The following PPP6R3 variants were observed in gnomAD, a reference collection of about 807,000 sequenced individuals.
The protein encoded by PPP6R3 is serine/threonine-protein phosphatase 6 regulatory subunit 3.
Under a neutral mutation model 110.7 loss-of-function variants are expected in PPP6R3, and 38 were observed. The observed-to-expected ratio is 0.34, with a 90% CI of 0.26 to 0.45. PPP6R3 has a LOEUF of 0.45. PPP6R3 is among the 20% of genes least tolerant of loss of function. PPP6R3 has a pLI of 1.00. For synonymous variants in PPP6R3, 369 were observed against 373.5 expected, an observed-to-expected ratio of 0.99 and a Z score of 0.14; for missense variants, 870 against 1,062.4, an observed-to-expected ratio of 0.82 and a Z score of 2.52.
chr11:68,578,686 T>C (rs1347431071), intron 14 of PPP6R3, among the ~76,000 whole-genome samples: 1 of 152,272 alleles, frequency 6.6e-6, no homozygotes, highest in Non-Finnish European at 1.5e-5. Flanking sequence ...TCACTTCTTT[T>C]GGATAAGCTG....
chr11:68,524,152 A>T (rs2099182763), intron 2 of PPP6R3, among the ~76,000 whole-genome samples: 1 of 152,188 alleles, frequency 6.6e-6, no homozygotes, highest in African/African-American at 2.4e-5. Flanking sequence ...GGGCGCCTCC[A>T]ATTGAGGGGC....
chr11:68,504,633 G>C (rs1208546269), intron 1 of PPP6R3, among the ~76,000 whole-genome samples: 1 of 152,190 alleles, frequency 6.6e-6, no homozygotes, highest in Admixed American at 6.5e-5. Context: ...CATTGACAAA[G>C]TAAGCAAGCT....
chr11:68,508,022 A>G (rs2099087574), intron 1 of PPP6R3, among the ~76,000 whole-genome samples: 1 of 147,206 alleles, frequency 6.8e-6, no homozygotes, highest in African/African-American at 2.6e-5. Context: ...CCTGGGCAAC[A>G]TAGCAACACC....
intron 1 of PPP6R3, among the ~76,000 whole-genome samples, chr11:68,515,702 A>G (rs1447456813): frequency 6.6e-6 from 1 of 152,136 alleles, no homozygotes; most frequent in East Asian, 1.9e-4. Flanking sequence ...TCTCATAAGG[A>G]CACTAATCCT....
chr11:68,468,464 G>T (rs1198918847), intron 1 of PPP6R3, among the ~76,000 whole-genome samples: 4 of 152,146 alleles, frequency 2.6e-5, no homozygotes, highest in African/African-American at 4.8e-5. Context: ...TTTCACTGTG[G>T]ACTTCTTGTT....
chr11:68,481,385 G>C (rs1433994595), intron 1 of PPP6R3, among the ~76,000 whole-genome samples: 1 of 152,202 alleles, frequency 6.6e-6, no homozygotes, highest in African/African-American at 2.4e-5. Flanking sequence ...GATCCCAGAA[G>C]CATAGGGTTA....
At chr11:68,555,642 T>C (rs2099396407) in intron 7 of PPP6R3, among the ~76,000 whole-genome samples, 2 of 152,228 alleles carry the variant, frequency 1.3e-5, no homozygotes, top group African/African-American at 4.8e-5. Context: ...TTGGACCCAA[T>C]GTGTAACCTA....
At chr11:68,575,221 G>T (rs946069645) in intron 13 of PPP6R3, among the ~76,000 whole-genome samples, 1 of 152,210 alleles carries the variant, frequency 6.6e-6, no homozygotes, top group Admixed American at 6.5e-5. Context: ...TGGTACATGT[G>T]TACACTTCTG....
At chr11:68,573,154 A>ATATATATAT (rs35361909) in intron 12 of PPP6R3, among the ~76,000 whole-genome samples, 329 of 73,902 alleles carry the variant, frequency 4.5e-3, no homozygotes, top group Middle Eastern at 0.017. Context: ...ATATATATAT[A>ATATATATAT]ATTTTTTTTT....
chr11:68,566,447 C>A (rs2099470713), intron 9 of PPP6R3, among the ~76,000 whole-genome samples: 1 of 152,070 alleles, frequency 6.6e-6, no homozygotes, highest in Non-Finnish European at 1.5e-5. Context: ...GCAGCCTCAA[C>A]TTCCGCAGGC....
chr11:68,538,965 C>G (rs1289664693), intron 3 of PPP6R3, among the ~76,000 whole-genome samples: 1 of 152,162 alleles, frequency 6.6e-6, no homozygotes, highest in African/African-American at 2.4e-5. Flanking sequence ...ACTAAAAATA[C>G]AAAAATTAGC....
At chr11:68,497,363 C>T (rs1179512399) in intron 1 of PPP6R3, among the ~76,000 whole-genome samples, 1 of 150,412 alleles carries the variant, frequency 6.6e-6, no homozygotes, top group African/African-American at 2.5e-5. Flanking sequence ...CTCTGTATTC[C>T]TGTCTTTTGA....
chr11:68,531,885 A>T (rs893588233), intron 2 of PPP6R3, among the ~76,000 whole-genome samples: 30 of 152,206 alleles, frequency 2.0e-4, no homozygotes, highest in African/African-American at 7.2e-4. Context: ...GGTCTGTAAG[A>T]TTCTTAGTAG....
At chr11:68,557,294 C>A (rs990088239) in intron 7 of PPP6R3, among the ~76,000 whole-genome samples, 2 of 152,098 alleles carry the variant, frequency 1.3e-5, no homozygotes, top group African/African-American at 4.8e-5. Flanking sequence ...TGCAAGGGGA[C>A]CTTCTCAAGT....
chr11:68,565,526 A>C (rs1453284444), intron 9 of PPP6R3, among the ~76,000 whole-genome samples: 1 of 152,020 alleles, frequency 6.6e-6, no homozygotes, highest in African/African-American at 2.4e-5. Flanking sequence ...AAGAAAAAGA[A>C]AAGATTTAGA....
At chr11:68,575,379 T>A (rs1157266125) in intron 13 of PPP6R3, among the ~76,000 whole-genome samples, 3 of 152,228 alleles carry the variant, frequency 2.0e-5, no homozygotes, top group Non-Finnish European at 4.4e-5. Context: ...AATTTCACTA[T>A]TACCTGTGTA....
chr11:68,463,155 C>G (rs1300389466), intron 1 of PPP6R3, among the ~76,000 whole-genome samples: 3 of 151,974 alleles, frequency 2.0e-5, no homozygotes, highest in African/African-American at 7.3e-5. Context: ...TGGCGGATCA[C>G]TTAAGGTCAG....
intron 1 of PPP6R3, among the ~76,000 whole-genome samples, chr11:68,510,966 T>G (rs2099105751): frequency 2.0e-5 from 3 of 152,220 alleles, no homozygotes; most frequent in Admixed American, 2.0e-4. Context: ...CATCCCTGTT[T>G]TCTCTCTTCC....
chr11:68,532,608 G>T (rs7115374), intron 2 of PPP6R3, among the ~76,000 whole-genome samples: 34,977 of 152,024 alleles, frequency 0.23, 4,273 homozygotes, highest in Middle Eastern at 0.32. Context: ...GATTATAATG[G>T]GGCTGAAAAA....
Sources: gnomAD v4.1 joint callset for allele counts (sites outside exome capture counted in the v4.1 genomes callset) on GRCh38, gnomAD v4.1.1 for gene constraint, MANE v1.5 for transcripts, NCBI Gene and HGNC (gene_info 2026-07-23, HGNC 2026-07-21) for gene names.